Variants in WWOX observed in about 807,000 individuals in gnomAD.
The protein encoded by WWOX is WW domain containing oxidoreductase.
Under a neutral mutation model 46.2 loss-of-function variants are expected in WWOX, and 69 were observed. The ratio of observed to expected loss-of-function variants is 1.49; its 90% CI spans 1.23 to 1.82. The LOEUF (loss-of-function observed/expected upper bound fraction) is 1.82, where lower values mean the gene tolerates loss of function less well. WWOX is among the 40% of genes most tolerant of loss of function. WWOX has a pLI of 0.00. For missense variants in WWOX, 919 were observed against 542.6 expected (o/e 1.69, Z -6.89); for synonymous variants, 359 against 202.6 (o/e 1.77, Z -6.56).
At chr16:78,768,923 G>A (rs1380050766) in intron 8 of WWOX, among the ~76,000 whole-genome samples, 1 of 152,090 alleles carries the variant, frequency 6.6e-6, no homozygotes, top group Non-Finnish European at 1.5e-5. Flanking sequence ...CATGGTGTAG[G>A]GGAGGAGGAC....
rs1597355358 is a variant in WWOX at position 78,209,982 on chromosome 16, A to G, written c.516+45693A>G. ...AAGAAGAAAGGATAAACTTTTCTTA[A>G]ACAGCAGAATGTTATTCAGAGATAA... On this transcript the variant is annotated intron_variant, in intron 5 of 8. Transcript: ENST00000566780. 2.6e-5 allele frequency among the ~76,000 whole-genome samples: 4 copies of G among 152,316 alleles called. No individual in the cohort carries two copies. The Middle Eastern group carries it at 0.014, about 522-fold the overall frequency.
chr16:78,371,256 A>T (rs1405723949), intron 5 of WWOX, among the ~76,000 whole-genome samples: 1 of 152,160 alleles, frequency 6.6e-6, no homozygotes, highest in African/African-American at 2.4e-5. Flanking sequence ...CTTCCTAGCT[A>T]TGACTCTCTA....
intron 8 of WWOX, among the ~76,000 whole-genome samples, chr16:78,487,222 C>CTT: frequency 6.6e-6 from 1 of 150,954 alleles, no homozygotes; most frequent in Non-Finnish European, 1.5e-5. Context: ...TTTCCCTTTT[C>CTT]TTTTTTTTTC....
rs150653811 is a variant in WWOX, at chr16:78,199,523, C to G, written c.516+35234C>G. On this transcript the variant is annotated intron_variant, in intron 5 of 8. Coordinates refer to ENST00000566780, the MANE Select transcript of WWOX (RefSeq NM_016373.4). ...TCCGGCATCATGACCTTTGTACTAC[C>G]CAGGAAAGCCAGTGTTCTCATGGGC... Among the ~76,000 whole-genome samples, 892 of 152,244 alleles carry G rather than the reference C, an allele frequency of 5.9e-3. 35 individuals are homozygous for G. The East Asian group carries it at 0.087, about 15-fold the overall frequency.
At chr16:79,180,729 A>G (rs911755455) in intron 8 of WWOX, among the ~76,000 whole-genome samples, 7 of 150,210 alleles carry the variant, frequency 4.7e-5, no homozygotes, top group Non-Finnish European at 7.4e-5. Flanking sequence ...CTCCCTGTCT[A>G]TCTGTCTGTG....
At chr16:78,263,198 C>G (rs1397228782) in intron 5 of WWOX, among the ~76,000 whole-genome samples, 1 of 152,150 alleles carries the variant, frequency 6.6e-6, no homozygotes, top group Non-Finnish European at 1.5e-5. Flanking sequence ...CAAGATTGCA[C>G]CTCTGCACTT....
chr16:78,576,862 C>T (rs2044894045), intron 8 of WWOX, among the ~76,000 whole-genome samples: 2 of 152,192 alleles, frequency 1.3e-5, no homozygotes, highest in Non-Finnish European at 2.9e-5. Context: ...GTATCTTAAT[C>T]CTTTCTCAAG....
rs890307806 is a variant in WWOX, at chr16:78,696,393, G to C, written c.1056+263641G>C. On this transcript the variant is annotated intron_variant, in intron 8 of 8. Coordinates refer to ENST00000566780, the MANE Select transcript of WWOX (RefSeq NM_016373.4). Reference sequence around the variant, plus strand: ...GACAGTCCCTGACTTATAATGGTTTGACTTAGATTTTTTCACCTTTGGGAT... The same window carrying C: ...GACAGTCCCTGACTTATAATGGTTTCACTTAGATTTTTTCACCTTTGGGAT... 3.7e-4 allele frequency among the ~76,000 whole-genome samples: 57 copies of C among 152,258 alleles called. 1 individual carries two copies. The highest frequency in any genetic ancestry group is 1.3e-3 in the African/African-American group (56 of 41,560).
At chr16:78,573,023 C>T (rs1056172072) in intron 8 of WWOX, among the ~76,000 whole-genome samples, 1 of 152,200 alleles carries the variant, frequency 6.6e-6, no homozygotes, top group Admixed American at 6.5e-5. Flanking sequence ...CACGGTGGCT[C>T]ACGCCTGTAA....
chr16:78,702,273 T>C (rs1202419424), intron 8 of WWOX, among the ~76,000 whole-genome samples: 1 of 148,796 alleles, frequency 6.7e-6, no homozygotes, highest in Non-Finnish European at 1.5e-5. Flanking sequence ...GAGTGAGACT[T>C]TGTCTCAAAA....
chr16:78,686,340 C>T (rs772267196), intron 8 of WWOX, among the ~76,000 whole-genome samples: 304 of 151,706 alleles, frequency 2.0e-3, no homozygotes, highest in Non-Finnish European at 3.4e-3. Context: ...TGAAACCCCG[C>T]CTCTACTAAA....
chr16:78,366,702 GA>G (rs376595264), intron 5 of WWOX, among the ~76,000 whole-genome samples: 3 of 152,136 alleles, frequency 2.0e-5, no homozygotes, highest in African/African-American at 7.2e-5. Flanking sequence ...GGAGATACTT[GA>G]AAAATCTAAA....
intron 8 of WWOX, among the ~76,000 whole-genome samples, chr16:78,854,413 G>C (rs2052521114): frequency 6.6e-6 from 1 of 152,194 alleles, no homozygotes; most frequent in South Asian, 2.1e-4. Flanking sequence ...ATTTGGCAGT[G>C]AGTTCAGGAG....
At chr16:78,811,588 C>G (rs913916046) in intron 8 of WWOX, among the ~76,000 whole-genome samples, 1 of 151,934 alleles carries the variant, frequency 6.6e-6, no homozygotes, top group African/African-American at 2.4e-5. Flanking sequence ...CCAGGCTGGT[C>G]TCAAGCTCCT....
chr16:79,082,926 G>A (rs187380036), intron 8 of WWOX, among the ~76,000 whole-genome samples: 24 of 152,234 alleles, frequency 1.6e-4, no homozygotes, highest in Admixed American at 1.3e-3. Flanking sequence ...TTGGGAGGCC[G>A]GGGATACTAG....
At chr16:78,347,042 C>A (rs4328453) in intron 5 of WWOX, among the ~76,000 whole-genome samples, 1 of 117,140 alleles carries the variant, frequency 8.5e-6, no homozygotes, top group Non-Finnish European at 2.0e-5. Flanking sequence ...CTCTTTCTTG[C>A]GTTTTTGTGG....
Position 78,638,371 on chromosome 16 carries a change from T to C in WWOX, c.1056+205619T>C, listed in dbSNP as rs72792791. Among the ~76,000 whole-genome samples the C allele has an allele frequency of 4.5e-3, 690 of 152,208 alleles. 5 individuals carry two copies. Among genetic ancestry groups the C allele is most frequent in the Non-Finnish European group, 8.1e-3 (550 of 68,016 alleles). On this transcript the variant is annotated intron_variant, in intron 8 of 8. Coordinates refer to ENST00000566780, the MANE Select transcript of WWOX (RefSeq NM_016373.4). ...GTTGCCCAGCTCTTTTCATTCCCTGTCCTTTCCCCCTCTGGCTGGGTCTGC... is the reference window on the plus strand; with the variant it reads ...GTTGCCCAGCTCTTTTCATTCCCTGCCCTTTCCCCCTCTGGCTGGGTCTGC...
At chr16:79,068,379 C>T (rs1318664937) in intron 8 of WWOX, among the ~76,000 whole-genome samples, 4 of 152,144 alleles carry the variant, frequency 2.6e-5, no homozygotes, top group Non-Finnish European at 4.4e-5. Flanking sequence ...TGGTAAGGTG[C>T]AGTCAGGACT....
At chr16:78,272,563 A>G (rs2079499409) in intron 5 of WWOX, among the ~76,000 whole-genome samples, 1 of 152,160 alleles carries the variant, frequency 6.6e-6, no homozygotes, top group Non-Finnish European at 1.5e-5. Flanking sequence ...GTGACAAAGA[A>G]TTTGCAGCCA....
Sources: allele counts gnomAD v4.1 joint callset (sites outside exome capture counted in the v4.1 genomes callset), GRCh38; gene constraint gnomAD v4.1.1; transcripts MANE v1.5; gene names NCBI Gene and HGNC (gene_info 2026-07-23, HGNC 2026-07-21).